PARP8: variants seen among roughly 807,000 people sequenced by gnomAD.
The protein encoded by PARP8 is protein mono-ADP-ribosyltransferase PARP8.
A neutral mutation model predicts 124.1 loss-of-function variants in PARP8; 51 were observed. That is an observed-to-expected ratio of 0.41 (90% CI 0.33 to 0.52). PARP8 has a LOEUF of 0.52. PARP8 is among the 20% of genes least tolerant of loss of function. The pLI is 0.21. For missense variants in PARP8, 860 were observed against 1,018.9 expected, an observed-to-expected ratio of 0.84 and a Z score of 2.12; for synonymous variants, 391 against 361.5, an observed-to-expected ratio of 1.08 and a Z score of -0.93.
intron 3 of PARP8, among the ~76,000 whole-genome samples, chr5:50,753,300 A>G (rs1759466645): frequency 6.6e-6 from 1 of 152,020 alleles, no homozygotes. Flanking sequence ...GAATGAAGGG[A>G]TACTTTCTGG....
Position 50,666,851 on chromosome 5 carries a change from A to G in PARP8, c.-245A>G, listed in dbSNP as rs376847175. On this transcript the variant is annotated 5_prime_UTR_variant, in exon 1 of 26. Transcript: ENST00000281631. ...GAAGGGGAGGAAATTGGAATCCAGC[A>G]GCGGCGAGCAGCAGCTGGGCGGTCA... The G allele has an allele frequency of 3.2e-5, 44 of 1,356,718 alleles. No individual in the cohort carries two copies. The highest frequency in any genetic ancestry group is 3.7e-5 in the Non-Finnish European group (39 of 1,052,012). 84.0% of individuals were successfully genotyped at this position (1,356,718 alleles called of 1,614,324 possible).
chr5:50,810,548 C>T (rs1424175836), intron 14 of PARP8, among the ~76,000 whole-genome samples: 1 of 151,976 alleles, frequency 6.6e-6, no homozygotes, highest in African/African-American at 2.4e-5. Context: ...ACTTGTGTGT[C>T]TTTAAGGGAG....
intron 7 of PARP8, among the ~76,000 whole-genome samples, chr5:50,771,065 G>C (rs1761575872): frequency 6.6e-6 from 1 of 151,240 alleles, no homozygotes; most frequent in Non-Finnish European, 1.5e-5. Flanking sequence ...TGAATAAAAA[G>C]TGCAATTTCC....
intron 2 of PARP8, among the ~76,000 whole-genome samples, chr5:50,710,886 G>A (rs1580054361): frequency 1.3e-5 from 2 of 152,104 alleles, no homozygotes; most frequent in African/African-American, 4.8e-5. Flanking sequence ...TAGCCACAGT[G>A]TATCTGTTTC....
At chr5:50,671,092 T>C (rs1330082360) in intron 2 of PARP8, among the ~76,000 whole-genome samples, 1 of 152,204 alleles carries the variant, frequency 6.6e-6, no homozygotes, top group Non-Finnish European at 1.5e-5. Flanking sequence ...CTAAGAACTA[T>C]AAAGCAGAGG....
At chr5:50,699,296 A>C (rs1753347869) in intron 2 of PARP8, among the ~76,000 whole-genome samples, 1 of 151,984 alleles carries the variant, frequency 6.6e-6, no homozygotes, top group African/African-American at 2.4e-5. Context: ...GGGTTCATTG[A>C]CTCTTTGGAT....
chr5:50,752,389 T>C (rs1759355854), intron 3 of PARP8, among the ~76,000 whole-genome samples: 1 of 152,092 alleles, frequency 6.6e-6, no homozygotes, highest in Non-Finnish European at 1.5e-5. Context: ...GTCAGTTGTC[T>C]TATTTTTCTG....
chr5:50,722,174 C>T (rs1755957847), intron 2 of PARP8, among the ~76,000 whole-genome samples: 1 of 152,044 alleles, frequency 6.6e-6, no homozygotes, highest in South Asian at 2.1e-4. Context: ...TGGAGATCTG[C>T]TTTAAAATTA....
At chr5:50,697,808 A>G (rs1014520020) in intron 2 of PARP8, among the ~76,000 whole-genome samples, 28 of 152,186 alleles carry the variant, frequency 1.8e-4, no homozygotes, top group African/African-American at 6.3e-4. Context: ...ATTCAAAGCT[A>G]TATCTTTTAA....
chr5:50,747,785 T>G (rs1412048370), intron 2 of PARP8, among the ~76,000 whole-genome samples: 2 of 132,782 alleles, frequency 1.5e-5, no homozygotes, highest in Admixed American at 1.5e-4. Flanking sequence ...TTTTTTTTTT[T>G]TTTTTGAGAC....
intron 2 of PARP8, among the ~76,000 whole-genome samples, chr5:50,727,401 A>G (rs1756537501): frequency 6.6e-6 from 1 of 152,148 alleles, no homozygotes; most frequent in South Asian, 2.1e-4. Flanking sequence ...GGATCCACTC[A>G]AACTTTGTCC....
At chr5:50,693,798 A>G (rs923442518) in intron 2 of PARP8, among the ~76,000 whole-genome samples, 1 of 151,392 alleles carries the variant, frequency 6.6e-6, no homozygotes, top group African/African-American at 2.4e-5. Flanking sequence ...AGTTATGTGG[A>G]TTAATTGTAT....
At chr5:50,796,793 T>C (rs1168010670) in intron 12 of PARP8, among the ~76,000 whole-genome samples, 189 bp from the exon 13 acceptor site, 1 of 152,160 alleles carries the variant, frequency 6.6e-6, no homozygotes, top group Non-Finnish European at 1.5e-5. Context: ...GCATTAGTAA[T>C]GGTAGAAAGG....
At chr5:50,830,077 G>T in intron 22 of PARP8, 116 bp downstream of exon 22, 2 of 1,207,972 alleles carry the variant, frequency 1.7e-6, no homozygotes, top group Non-Finnish European at 2.1e-6. Flanking sequence ...TATTAAATTT[G>T]TTTGCTAAAT....
intron 2 of PARP8, among the ~76,000 whole-genome samples, chr5:50,726,631 GA>G (rs1357948025): frequency 6.6e-6 from 1 of 152,168 alleles, no homozygotes; most frequent in Non-Finnish European, 1.5e-5. Context: ...CCCAGTGTGG[GA>G]AATCCCACAA....
Position 50,795,010 on chromosome 5 carries a change from G to A in PARP8, c.1021G>A (p.Gly341Ser), listed in dbSNP as rs756134489. Residue 341 changes from glycine to serine, a missense_variant, in exon 12 of 26, where the codon GGC (glycine) becomes AGC (serine). Gly to Ser is a moderately conservative substitution (Grantham distance 56). This residue lies in a region of PARP8 where 517 missense variants were observed against 544.2 expected (regional missense o/e 0.95). Transcript: ENST00000281631. Reference protein sequence around the residue: ...VCVTKSHRTFGRSLSSDPRAE... With the variant: ...VCVTKSHRTFSRSLSSDPRAE... Reference sequence around the variant, plus strand: ...TGTCACAAAGTCACACAGGACCTTTGGCCGCTCCTTGTCCAGCGATCCCAG... The same window carrying A: ...TGTCACAAAGTCACACAGGACCTTTAGCCGCTCCTTGTCCAGCGATCCCAG... 8.7e-6 allele frequency: 14 copies of A among 1,614,044 alleles called. No homozygotes were observed. The highest frequency in any genetic ancestry group is 1.2e-5 in the Non-Finnish European group (14 of 1,180,038).
intron 14 of PARP8, among the ~76,000 whole-genome samples, chr5:50,810,049 T>G (rs960583685): frequency 1.3e-5 from 2 of 152,046 alleles, no homozygotes; most frequent in Non-Finnish European, 2.9e-5. Context: ...TTGATTCAAA[T>G]AACGTTAAAA....
chr5:50,741,998 C>G, intron 2 of PARP8: 1 of 334,558 alleles, frequency 3.0e-6, no homozygotes, highest in Non-Finnish European at 5.8e-6. Context: ...TTAGTAGAGA[C>G]AGGGTTTTGC....
chr5:50,767,613 C>T (rs1231214326), intron 7 of PARP8, among the ~76,000 whole-genome samples: 5 of 152,218 alleles, frequency 3.3e-5, no homozygotes, highest in African/African-American at 1.2e-4. Context: ...CACAGTTTTA[C>T]ATGAGCTTCC....
Sources: gnomAD v4.1 joint callset for allele counts (sites outside exome capture counted in the v4.1 genomes callset) on GRCh38, gnomAD v4.1.1 for gene constraint, gnomAD v4.1.1 regional missense constraint, MANE v1.5 for transcripts, NCBI Gene and HGNC (gene_info 2026-07-23, HGNC 2026-07-21) for gene names.